RARB: variants seen among roughly 807,000 people sequenced by gnomAD.
RARB encodes the protein HBV-activated protein.
A neutral mutation model predicts 51.9 loss-of-function variants in RARB; 17 were observed. That is an observed-to-expected ratio of 0.33 (90% CI 0.22 to 0.49). The LOEUF (loss-of-function observed/expected upper bound fraction) is 0.49, where lower values mean the gene tolerates loss of function less well. Ranked by LOEUF, RARB falls within the 20% of genes least tolerant of loss-of-function variation. RARB has a pLI of 0.99. For synonymous variants in RARB, 215 were observed against 195.4 expected, an observed-to-expected ratio of 1.10 and a Z score of -0.84; for missense variants, 369 against 550.8, an observed-to-expected ratio of 0.67 and a Z score of 3.30.
At chr3:25,079,002 T>C (rs1698934038) in intron 3 of RARB, among the ~76,000 whole-genome samples, 1 of 152,136 alleles carries the variant, frequency 6.6e-6, no homozygotes, top group Admixed American at 6.5e-5. Flanking sequence ...TTAATAATAT[T>C]GAGTATTCTA....
rs372117658 is a variant in RARB at position 25,233,791 on chromosome 3, G to C, written c.178+59216G>C. Among the ~76,000 whole-genome samples, 81 of 150,812 alleles carry C rather than the reference G, an allele frequency of 5.4e-4. 1 individual carries two copies. Among genetic ancestry groups the C allele is most frequent in the African/African-American group, 1.6e-3 (68 of 41,240 alleles). Reference sequence around the variant, plus strand: ...GTTTTTTTTTTTTTAATCATGAATGGATGTTGAATTTTGTCTAATAGTTTT... The same window carrying C: ...GTTTTTTTTTTTTTAATCATGAATGCATGTTGAATTTTGTCTAATAGTTTT... On this transcript the variant is annotated intron_variant, in intron 5 of 11. Transcript: ENST00000383772.
At chr3:25,137,908 C>T (rs1409645192) in intron 4 of RARB, among the ~76,000 whole-genome samples, 1 of 152,088 alleles carries the variant, frequency 6.6e-6, no homozygotes, top group African/African-American at 2.4e-5. Context: ...AAAGAAGATT[C>T]TGCTTTTGAA....
At chr3:24,952,157 TTG>T (rs1695906986) in intron 2 of RARB, among the ~76,000 whole-genome samples, 5 of 152,138 alleles carry the variant, frequency 3.3e-5, no homozygotes, top group Admixed American at 2.6e-4. Flanking sequence ...GAAGGATCCT[TTG>T]AGCCAAGAGT....
chr3:25,537,144 C>T (rs1024763063), intron 3 of RARB, among the ~76,000 whole-genome samples: 1 of 152,044 alleles, frequency 6.6e-6, no homozygotes, highest in Non-Finnish European at 1.5e-5. Flanking sequence ...ACCCCAAACC[C>T]ACAGGGACAG....
At chr3:25,306,601 A>G (rs771637807) in intron 5 of RARB, among the ~76,000 whole-genome samples, 100 of 152,308 alleles carry the variant, frequency 6.6e-4, no homozygotes, top group Non-Finnish European at 1.2e-3. Flanking sequence ...CAACTGAAAC[A>G]TATTGATTTT....
chr3:25,173,759 G>A (rs1700689772), intron 4 of RARB, among the ~76,000 whole-genome samples: 1 of 152,162 alleles, frequency 6.6e-6, no homozygotes, highest in Non-Finnish European at 1.5e-5. Context: ...AAAACACTCT[G>A]CCCTCCTGGT....
chr3:24,984,372 G>A (rs1319561269), intron 2 of RARB, among the ~76,000 whole-genome samples: 1 of 152,190 alleles, frequency 6.6e-6, no homozygotes, highest in Non-Finnish European at 1.5e-5. Flanking sequence ...CCAGTGAGAA[G>A]CACTGTGTTA....
intron 2 of RARB, among the ~76,000 whole-genome samples, chr3:24,973,314 A>G (rs763179231): frequency 1.3e-5 from 2 of 151,980 alleles, no homozygotes; most frequent in South Asian, 2.1e-4. Context: ...TGGATTCTCT[A>G]TTCTGTTCCA....
rs374510292 is a variant in RARB at position 25,482,765 on chromosome 3, T to C, written c.307-18417T>C. ...CATGTTAGCCAGGATGGTCTCGATC[T>C]CCTGACCTCATGATCCGCCCAGCTC... On this transcript the variant is annotated intron_variant, in intron 2 of 7. Transcript: ENST00000330688. Among the ~76,000 whole-genome samples the C allele has an allele frequency of 2.1e-4, 32 of 152,014 alleles. 1 individual carries two copies. Among genetic ancestry groups the C allele is most frequent in the Middle Eastern group, 3.4e-3 (1 of 294 alleles).
At chr3:25,286,271 G>T (rs570934009) in intron 5 of RARB, among the ~76,000 whole-genome samples, 2 of 151,970 alleles carry the variant, frequency 1.3e-5, no homozygotes, top group South Asian at 4.2e-4. Context: ...TGTATTTTGA[G>T]CAGAGACGGG....
chr3:24,965,549 T>C (rs1455916091), intron 2 of RARB, among the ~76,000 whole-genome samples: 1 of 152,148 alleles, frequency 6.6e-6, no homozygotes, highest in Non-Finnish European at 1.5e-5. Context: ...CCGGGCCAGA[T>C]TGTTCATTTG....
At chr3:25,100,205 C>G (rs1040299103) in intron 3 of RARB, among the ~76,000 whole-genome samples, 2 of 152,020 alleles carry the variant, frequency 1.3e-5, no homozygotes, top group Admixed American at 6.6e-5. Context: ...ATATTTACAG[C>G]CTGGGGGATG....
intron 2 of RARB, among the ~76,000 whole-genome samples, chr3:24,861,067 G>A (rs1426582838): frequency 6.6e-6 from 1 of 152,072 alleles, no homozygotes; most frequent in East Asian, 1.9e-4. Context: ...AAATATAGTT[G>A]ACCACTGAGG....
At chr3:25,208,273 C>A (rs1701605994) in intron 5 of RARB, among the ~76,000 whole-genome samples, 1 of 152,070 alleles carries the variant, frequency 6.6e-6, no homozygotes, top group South Asian at 2.1e-4. Flanking sequence ...GCTAAGGATC[C>A]AAGGATTTCA....
chr3:25,425,344 C>A (rs969226517), upstream of RARB, among the ~76,000 whole-genome samples: 1 of 152,020 alleles, frequency 6.6e-6, no homozygotes, highest in Admixed American at 6.6e-5. Context: ...AATTTGGAGA[C>A]AGAATCAAGT....
At chr3:25,504,336 A>ATT (rs1697462112) in intron 3 of RARB, among the ~76,000 whole-genome samples, 1 of 152,184 alleles carries the variant, frequency 6.6e-6, no homozygotes, top group South Asian at 2.1e-4. Context: ...GCAAAAAGAG[A>ATT]GACTATTAGA....
chr3:24,872,535 C>A, intron 2 of RARB, among the ~76,000 whole-genome samples: 1 of 152,150 alleles, frequency 6.6e-6, no homozygotes, highest in South Asian at 2.1e-4. Context: ...CCTCAGGAAG[C>A]TTCCAACCAT....
At chr3:25,442,222 G>A (rs1466476927) in intron 1 of RARB, among the ~76,000 whole-genome samples, 3 of 151,782 alleles carry the variant, frequency 2.0e-5, no homozygotes, top group Admixed American at 6.6e-5. Flanking sequence ...TGCAACCTCC[G>A]CCTCCCGTGT....
intron 1 of RARB, among the ~76,000 whole-genome samples, chr3:24,846,870 G>GA (rs72344692): frequency 0.049 from 6,401 of 130,744 alleles, 390 homozygotes; most frequent in African/African-American, 0.15. Context: ...GCCAAAATTG[G>GA]AAAAAAAAAA....
Sources: gnomAD v4.1 joint callset for allele counts (sites outside exome capture counted in the v4.1 genomes callset) on GRCh38, gnomAD v4.1.1 for gene constraint, MANE v1.5 for transcripts, NCBI Gene and HGNC (gene_info 2026-07-23, HGNC 2026-07-21) for gene names.